SLC49A4: variants seen among roughly 807,000 people sequenced by gnomAD.
SLC49A4 encodes solute carrier family 49 member 4.
In SLC49A4, 36 loss-of-function variants were observed where a neutral mutation model predicts 50.6. The ratio of observed to expected loss-of-function variants is 0.71; its 90% CI spans 0.55 to 0.94. The LOEUF is 0.94. SLC49A4 is among the 40% of genes least tolerant of loss of function. SLC49A4 has a pLI of 0.00. For missense variants in SLC49A4, 503 were observed against 605.7 expected (o/e 0.83, Z 1.78); for synonymous variants, 248 against 241.2 (o/e 1.03, Z -0.26).
At chr3:122,842,730 A>G (rs895192787) in intron 4 of SLC49A4, among the ~76,000 whole-genome samples, 5 of 152,156 alleles carry the variant, frequency 3.3e-5, no homozygotes, top group African/African-American at 9.7e-5. Context: ...TAATTACCCT[A>G]GAGTCAAACT....
intron 1 of SLC49A4, among the ~76,000 whole-genome samples, chr3:122,799,838 AG>A (rs1394022287): frequency 6.6e-6 from 1 of 152,242 alleles, no homozygotes; most frequent in Non-Finnish European, 1.5e-5. Context: ...GCGTGAAGGA[AG>A]GAGACGAGTC....
At chr3:122,855,004 A>AATGGTGTAAACCCGGG (rs1370497993) in intron 5 of SLC49A4, among the ~76,000 whole-genome samples, 1 of 152,058 alleles carries the variant, frequency 6.6e-6, no homozygotes, top group African/African-American at 2.4e-5. Context: ...GAGGCAGGAG[A>AATGGTGTAAACCCGGG]ATGGTGTAAA....
At chr3:122,827,844 G>T (rs1560208901) in intron 3 of SLC49A4, among the ~76,000 whole-genome samples, 1 of 152,234 alleles carries the variant, frequency 6.6e-6, no homozygotes, top group Non-Finnish European at 1.5e-5. Flanking sequence ...TTGTAGGGAA[G>T]TTGAGGGGGC....
intron 2 of SLC49A4, among the ~76,000 whole-genome samples, chr3:122,811,297 CA>C (rs1299976034): frequency 6.6e-6 from 1 of 152,118 alleles, no homozygotes; most frequent in Non-Finnish European, 1.5e-5. Context: ...AAGAGAAGTT[CA>C]AGAGAATTCT....
At chr3:122,855,150 T>C (rs1576307558) in intron 5 of SLC49A4, among the ~76,000 whole-genome samples, 1 of 149,282 alleles carries the variant, frequency 6.7e-6, no homozygotes, top group Non-Finnish European at 1.5e-5. Flanking sequence ...CAACAAAAGG[T>C]AGAAGCTAGT....
chr3:122,796,253 A>G (rs1936037704), intron 1 of SLC49A4, among the ~76,000 whole-genome samples: 1 of 152,242 alleles, frequency 6.6e-6, no homozygotes, highest in Middle Eastern at 3.2e-3. Context: ...ATAAGTATGG[A>G]TAAATGATTA....
At chr3:122,798,424 A>C (rs34308500) in intron 1 of SLC49A4, among the ~76,000 whole-genome samples, 14 of 152,182 alleles carry the variant, frequency 9.2e-5, no homozygotes, top group South Asian at 6.2e-4. Flanking sequence ...AGTTCTTGTG[A>C]CTATATGGTG....
rs1393022951 is a variant in SLC49A4 at position 122,845,781 on chromosome 3, G to C, written c.852G>C (p.Met284Ile). The change falls in exon 5 of 9, where the codon ATG becomes ATC. Residue 284 changes from methionine to isoleucine, a missense_variant. Physicochemically the swap from Met to Ile is conservative, Grantham distance 10. Coordinates refer to ENST00000261038, the MANE Select transcript of SLC49A4 (RefSeq NM_032839.3). ...TTCACAGCAATTTTCGATTTTTGAT[G>C]ATTGCTTTAGCATATGCCATACCAC... ...CRLLSNFRFLMIALAYAIPLG... is the reference protein window; with the variant it reads ...CRLLSNFRFLIIALAYAIPLG... The C allele has an allele frequency of 6.3e-7, 1 of 1,584,096 alleles. No individual in the cohort carries two copies.
chr3:122,833,551 T>C (rs1936636655), intron 4 of SLC49A4, 105 bp downstream of exon 4: 2 of 1,083,282 alleles, frequency 1.8e-6, no homozygotes, highest in Non-Finnish European at 2.6e-6. Flanking sequence ...AACCTATTAA[T>C]TAGGTTGTAA....
chr3:122,818,299 CT>C (rs1936405303), intron 2 of SLC49A4, among the ~76,000 whole-genome samples: 1 of 152,076 alleles, frequency 6.6e-6, no homozygotes, highest in Non-Finnish European at 1.5e-5. Context: ...AGTATGGTAT[CT>C]GTGGTTACCT....
intron 2 of SLC49A4, among the ~76,000 whole-genome samples, chr3:122,818,151 T>A (rs1289750609): frequency 6.6e-6 from 1 of 152,134 alleles, no homozygotes; most frequent in East Asian, 1.9e-4. Flanking sequence ...TATCCAACAT[T>A]AGGAAAATGG....
intron 7 of SLC49A4, among the ~76,000 whole-genome samples, chr3:122,871,807 TTTGA>T (rs1937199877): frequency 6.6e-6 from 1 of 152,176 alleles, no homozygotes; most frequent in African/African-American, 2.4e-5. Context: ...CTTTTTATGG[TTTGA>T]TTGGGGATCC....
At chr3:122,862,454 T>C (rs1937068618) in intron 7 of SLC49A4, among the ~76,000 whole-genome samples, 1 of 152,236 alleles carries the variant, frequency 6.6e-6, no homozygotes, top group African/African-American at 2.4e-5. Flanking sequence ...CTGTGCACTG[T>C]TGTACACAAC....
intron 1 of SLC49A4, among the ~76,000 whole-genome samples, chr3:122,796,527 A>ATCGGTGTCGGG (rs1936043172): frequency 6.6e-6 from 1 of 152,160 alleles, no homozygotes; most frequent in Non-Finnish European, 1.5e-5. Context: ...CTCAGGCAGA[A>ATCGGTGTCGGG]TCGGTGTCGG....
chr3:122,847,720 G>T (rs1283813892), intron 5 of SLC49A4, among the ~76,000 whole-genome samples: 3 of 151,980 alleles, frequency 2.0e-5, no homozygotes, highest in African/African-American at 7.3e-5. Flanking sequence ...GGCTGGGTGT[G>T]GTGGTCTCAA....
At chr3:122,803,293 G>A (rs1212587147) in intron 1 of SLC49A4, among the ~76,000 whole-genome samples, 1 of 152,104 alleles carries the variant, frequency 6.6e-6, no homozygotes, top group African/African-American at 2.4e-5. Flanking sequence ...GGAGTAAGAA[G>A]GTAGAGAGAA....
chr3:122,842,574 C>A (rs56343603), intron 4 of SLC49A4, among the ~76,000 whole-genome samples: 67,243 of 149,730 alleles, frequency 0.45, 15,838 homozygotes, highest in South Asian at 0.55. Flanking sequence ...CATATTATGA[C>A]GTACTAATAA....
chr3:122,841,761 T>C (rs1371761196), intron 4 of SLC49A4, among the ~76,000 whole-genome samples: 1 of 152,198 alleles, frequency 6.6e-6, no homozygotes, highest in Non-Finnish European at 1.5e-5. Flanking sequence ...TAAAATAGAA[T>C]AGAAAATATT....
intron 5 of SLC49A4, among the ~76,000 whole-genome samples, chr3:122,850,768 A>G (rs1936916357): frequency 6.6e-6 from 1 of 152,178 alleles, no homozygotes; most frequent in Non-Finnish European, 1.5e-5. Context: ...GGCCTCCCAA[A>G]GTGTGGGCCA....
Sources: allele counts gnomAD v4.1 joint callset (sites outside exome capture counted in the v4.1 genomes callset), GRCh38; gene constraint gnomAD v4.1.1; transcripts MANE v1.5; gene names NCBI Gene and HGNC (gene_info 2026-07-23, HGNC 2026-07-21).